BMPR1B: variants seen among roughly 807,000 people sequenced by gnomAD.
The protein encoded by BMPR1B is bone morphogenetic protein receptor type-1B.
BMPR1B carries 12 observed loss-of-function variants against 59.1 expected under a neutral mutation model. The ratio of observed to expected loss-of-function variants is 0.20; its 90% CI spans 0.13 to 0.33. The LOEUF is 0.33. BMPR1B is among the 10% of genes least tolerant of loss of function. The pLI is 1.00. For synonymous variants in BMPR1B, 237 were observed against 207.3 expected (o/e 1.14, Z -1.23); for missense variants, 550 against 610.9 (o/e 0.90, Z 1.05).
chr4:94,796,152 A>G (rs1241219360), intron 1 of BMPR1B, among the ~76,000 whole-genome samples: 2 of 151,944 alleles, frequency 1.3e-5, no homozygotes, highest in South Asian at 2.1e-4. Context: ...TTCACTAGAG[A>G]TGGGGTTTCA....
chr4:94,930,007 C>CAA (rs1333248016), intron 2 of BMPR1B, among the ~76,000 whole-genome samples: 1 of 152,018 alleles, frequency 6.6e-6, no homozygotes, highest in African/African-American at 2.4e-5. Flanking sequence ...GTTTTTAAGG[C>CAA]TTGCTTGTTC....
chr4:94,844,571 G>T (rs1725239878), intron 1 of BMPR1B, among the ~76,000 whole-genome samples: 1 of 152,134 alleles, frequency 6.6e-6, no homozygotes, highest in African/African-American at 2.4e-5. Flanking sequence ...ATGCCAGAGG[G>T]ATGGGTACTA....
chr4:94,976,409 G>A (rs1418478963), intron 2 of BMPR1B, among the ~76,000 whole-genome samples: 3 of 152,140 alleles, frequency 2.0e-5, no homozygotes, highest in Admixed American at 6.5e-5. Context: ...ACAACATGTG[G>A]AATGGGAAAA....
At chr4:94,844,312 C>T (rs950240088) in intron 1 of BMPR1B, among the ~76,000 whole-genome samples, 1 of 151,560 alleles carries the variant, frequency 6.6e-6, no homozygotes, top group Non-Finnish European at 1.5e-5. Flanking sequence ...GTGCCCAGCT[C>T]CCTCTGTTAC....
chr4:94,770,172 T>C (rs1722118518), intron 1 of BMPR1B, among the ~76,000 whole-genome samples: 1 of 132,370 alleles, frequency 7.6e-6, no homozygotes, highest in Non-Finnish European at 1.6e-5. Flanking sequence ...GAATTGTCCT[T>C]CGTTTCTGTG....
intron 2 of BMPR1B, among the ~76,000 whole-genome samples, chr4:94,876,494 T>C (rs1161604486): frequency 6.6e-6 from 1 of 152,222 alleles, no homozygotes; most frequent in Admixed American, 6.5e-5. Context: ...GTTCAAATGC[T>C]ATTACGAATG....
Position 95,154,573 on chromosome 4 carries a change from T to C in BMPR1B, c.1409T>C (p.Met470Thr), listed in dbSNP as rs1234757133. Residue 470 changes from methionine (M) to threonine (T), a missense_variant, in exon 13 of 13, where the codon ATG (methionine) becomes ACG (threonine). Physicochemically the swap from Met to Thr is moderately conservative, Grantham distance 81. Transcript: ENST00000515059. ...TGTCTAAGGCAGATGGGAAAACTCA[T>C]GACAGAATGCTGGGCTCACAATCCT... Reference protein sequence around the residue: ...DECLRQMGKLMTECWAHNPAS... With the variant: ...DECLRQMGKLTTECWAHNPAS... 6.2e-7 allele frequency: 1 copy of C among 1,614,112 alleles called. No individual in the cohort carries two copies. Among genetic ancestry groups the C allele is most frequent in the South Asian group, 1.1e-5 (1 of 91,090 alleles).
At chr4:94,841,204 T>C (rs1465532243) in intron 1 of BMPR1B, among the ~76,000 whole-genome samples, 1 of 149,556 alleles carries the variant, frequency 6.7e-6, no homozygotes, top group Admixed American at 6.6e-5. Flanking sequence ...CAGAGGTTAC[T>C]GCTGTCTTTT....
chr4:94,981,674 T>C (rs962991239), intron 2 of BMPR1B, among the ~76,000 whole-genome samples: 3 of 152,186 alleles, frequency 2.0e-5, no homozygotes, highest in Non-Finnish European at 4.4e-5. Context: ...TAACCTATGA[T>C]TAGGAGACTT....
In BMPR1B at chr4:94,757,961, TGAC is replaced by T. The variant is rs1292607768; in HGVS notation, c.-288_-286del. The T allele has an allele frequency of 7.2e-6, 1 of 139,458 alleles. No homozygotes were observed. Among genetic ancestry groups the T allele is most frequent in the Non-Finnish European group, 1.5e-5 (1 of 65,858 alleles). 8.6% of individuals were successfully genotyped at this position (139,458 alleles called of 1,614,324 possible). ...CGGAGCGGCCGCGGCGGCCAGAAGT[TGAC>T]GGCGCAGCCGGGCGCGGGGCGCGGA... On this transcript the variant is annotated 5_prime_UTR_variant, in exon 1 of 13. Transcript: ENST00000515059.
At chr4:95,077,819 A>G (rs189825274) in intron 3 of BMPR1B, among the ~76,000 whole-genome samples, 1 of 152,344 alleles carries the variant, frequency 6.6e-6, no homozygotes, top group East Asian at 1.9e-4. Context: ...ATATTCATGT[A>G]TCTTGCAAAA....
At chr4:94,975,003 C>T (rs1730962116) in intron 2 of BMPR1B, among the ~76,000 whole-genome samples, 2 of 152,178 alleles carry the variant, frequency 1.3e-5, no homozygotes, top group African/African-American at 4.8e-5. Flanking sequence ...AAGATATAGC[C>T]AGGAAACCAC....
At chr4:94,872,662 C>G (rs145848779) in intron 1 of BMPR1B, among the ~76,000 whole-genome samples, 1 of 152,120 alleles carries the variant, frequency 6.6e-6, no homozygotes, top group African/African-American at 2.4e-5. Context: ...GTGGGAGGAT[C>G]GCTTGAGCCT....
intron 3 of BMPR1B, among the ~76,000 whole-genome samples, chr4:95,009,020 A>G (rs1353826594): frequency 1.3e-5 from 2 of 152,144 alleles, no homozygotes; most frequent in African/African-American, 4.8e-5. Flanking sequence ...ACTCCACTGC[A>G]CTGTAGCCTA....
At chr4:94,917,741 TGGGAAGGCA>T (rs1728538500) in intron 2 of BMPR1B, among the ~76,000 whole-genome samples, 1 of 152,176 alleles carries the variant, frequency 6.6e-6, no homozygotes, top group African/African-American at 2.4e-5. Context: ...TTAAGACTGT[TGGGAAGGCA>T]TGATTATATT....
intron 1 of BMPR1B, among the ~76,000 whole-genome samples, chr4:94,827,252 G>C (rs561898657): frequency 6.6e-6 from 1 of 152,060 alleles, no homozygotes; most frequent in African/African-American, 2.4e-5. Context: ...GAGACAGTAT[G>C]ATTATGTTAT....
intron 1 of BMPR1B, among the ~76,000 whole-genome samples, chr4:94,769,714 A>T (rs1722100646): frequency 6.6e-6 from 1 of 152,138 alleles, no homozygotes; most frequent in African/African-American, 2.4e-5. Context: ...GGGAACATTT[A>T]TGAAATGTGA....
At chr4:94,853,661 G>A (rs1210947392) in intron 1 of BMPR1B, among the ~76,000 whole-genome samples, 1 of 151,796 alleles carries the variant, frequency 6.6e-6, no homozygotes, top group Non-Finnish European at 1.5e-5. Context: ...TTAGGGGGAG[G>A]GGAGGAAGAG....
At chr4:95,123,355 T>C (rs1298406154) in intron 6 of BMPR1B, among the ~76,000 whole-genome samples, 1 of 152,206 alleles carries the variant, frequency 6.6e-6, no homozygotes, top group Non-Finnish European at 1.5e-5. Flanking sequence ...TGACTTTATA[T>C]ACAACGAGTT....
Sources: allele counts gnomAD v4.1 joint callset (sites outside exome capture counted in the v4.1 genomes callset), GRCh38; gene constraint gnomAD v4.1.1; transcripts MANE v1.5; gene names NCBI Gene and HGNC (gene_info 2026-07-23, HGNC 2026-07-21).